Variants in LCORL observed in about 807,000 individuals in gnomAD.
LCORL encodes the protein ligand dependent nuclear receptor corepressor like.
LCORL carries 41 observed loss-of-function variants against 141.8 expected under a neutral mutation model. The ratio of observed to expected loss-of-function variants is 0.29; its 90% confidence interval spans 0.23 to 0.38. LCORL has a LOEUF of 0.38. Among genes scored for constraint, LCORL ranks in the 10% least tolerant of loss-of-function variants. The pLI, the probability that LCORL is intolerant of heterozygous loss-of-function variation, is 1.00. For synonymous variants in LCORL, 618 were observed against 694.1 expected (o/e 0.89, Z 1.72); for missense variants, 1,759 against 2,035.0 (o/e 0.86, Z 2.61).
chr4:17,875,706 G>A (rs1726849627), exon 7 of LCORL: 1 of 1,231,106 alleles, frequency 8.1e-7, no homozygotes, highest in Admixed American at 4.2e-5. Context: ...TCTTCCAATT[G>A]GTCGCTTAAT....
chr4:17,884,589 C>T lies in LCORL; in HGVS notation c.776+1479G>A. On this transcript the variant is annotated intron_variant, in intron 6 of 7. Coordinates refer to ENST00000635767, the Ensembl canonical transcript of LCORL. The surrounding 1 kb of genome is among the most constrained non-coding windows in gnomAD (Gnocchi z 4.4). ...GATGCAGGCTTCCCTGCTGGTAAGG[C>T]TTCTAAGTGAAGAAGTAAAGTTTTT... The T allele has an allele frequency of 1.9e-6, 3 of 1,544,126 alleles. No individual in the cohort carries two copies. The South Asian group carries it at 3.6e-5, about 19-fold the overall frequency.
rs1382109078 is a variant in LCORL at position 18,021,782 on chromosome 4, A to C, written c.-31T>G. ...TCCCGCGTCACGCGCCCTCATTTAC[A>C]TACGAGCAGCGCAGGCACGAGGCAG... On this transcript the variant is annotated 5_prime_UTR_variant, in exon 1 of 8. Coordinates refer to ENST00000635767, the Ensembl canonical transcript of LCORL. This position sits in a 1 kb window ranked among gnomAD's most constrained non-coding sequence, Gnocchi z 5.5. 1.2e-5 allele frequency: 17 copies of C among 1,470,594 alleles called. No homozygotes were observed. Among genetic ancestry groups the C allele is most frequent in the Non-Finnish European group, 1.5e-5 (17 of 1,118,020 alleles). 91.1% of individuals were successfully genotyped at this position (1,470,594 alleles called of 1,614,324 possible).
intron 5 of LCORL, among the ~76,000 whole-genome samples, chr4:17,896,661 G>A (rs1048121359): frequency 6.6e-6 from 1 of 152,092 alleles, no homozygotes; most frequent in Admixed American, 6.6e-5. Context: ...ACATACAATT[G>A]TATAACGATC....
At chr4:17,981,536 T>C (rs1360982898) in intron 1 of LCORL, among the ~76,000 whole-genome samples, 2 of 152,102 alleles carry the variant, frequency 1.3e-5, no homozygotes, top group South Asian at 2.1e-4. Context: ...GTGGGCAGAC[T>C]GCTTGAGTCT....
intron 1 of LCORL, among the ~76,000 whole-genome samples, chr4:18,011,769 T>C (rs1043311278): frequency 1.3e-5 from 2 of 152,152 alleles, no homozygotes; most frequent in Non-Finnish European, 2.9e-5. Flanking sequence ...TGGAGGTGAG[T>C]AGCTGCAATA....
chr4:17,913,122 G>T, intron 4 of LCORL: 1 of 188,458 alleles, frequency 5.3e-6, no homozygotes. Flanking sequence ...CAATTTGTGA[G>T]GACAAAAATC....
chr4:17,859,817 G>A (rs1042246407), intron 7 of LCORL, among the ~76,000 whole-genome samples: 1 of 152,136 alleles, frequency 6.6e-6, no homozygotes, highest in African/African-American at 2.4e-5. Context: ...ACCAACAACA[G>A]TCCAAGCTGA....
intron 7 of LCORL, among the ~76,000 whole-genome samples, chr4:17,856,049 A>G (rs541737983): frequency 6.6e-6 from 1 of 152,232 alleles, no homozygotes; most frequent in Non-Finnish European, 1.5e-5. Flanking sequence ...CAGTTATCTT[A>G]TACTTGCTAT....
chr4:17,868,860 T>A (rs1725991937), intron 7 of LCORL, among the ~76,000 whole-genome samples: 1 of 152,124 alleles, frequency 6.6e-6, no homozygotes, highest in South Asian at 2.1e-4. Flanking sequence ...GCAGCTGAGA[T>A]AAAACCAGTT....
At chr4:17,951,957 T>A (rs921029361) in intron 4 of LCORL, among the ~76,000 whole-genome samples, 8 of 152,196 alleles carry the variant, frequency 5.3e-5, no homozygotes, top group African/African-American at 1.4e-4. Flanking sequence ...CAGGTGATGA[T>A]ACAGTTGGTA....
At chr4:17,876,646 A>G in exon 7 of LCORL, 1 of 1,230,816 alleles carries the variant, frequency 8.1e-7, no homozygotes, top group South Asian at 4.1e-5. Context: ...TATACAGAAT[A>G]CCACCCTGGA....
chr4:17,844,448 C>CTAAAG (rs1400825604), exon 8 of LCORL: 1 of 152,274 alleles, frequency 6.6e-6, no homozygotes, highest in Non-Finnish European at 1.5e-5. Context: ...TAAGATGGAG[C>CTAAAG]TAAAGTAAGA....
At chr4:17,986,915 T>C (rs1414693012) in intron 1 of LCORL, among the ~76,000 whole-genome samples, 1 of 152,156 alleles carries the variant, frequency 6.6e-6, no homozygotes, top group African/African-American at 2.4e-5. Context: ...TGTTTTTGAG[T>C]GGTTCTTTTG....
intron 2 of LCORL, among the ~76,000 whole-genome samples, chr4:17,970,518 C>A (rs551527802): frequency 9.3e-4 from 142 of 152,148 alleles, no homozygotes; most frequent in Admixed American, 1.4e-3. Context: ...AATCCAAGTT[C>A]CACGCTGCCT....
intron 4 of LCORL, among the ~76,000 whole-genome samples, chr4:17,913,492 G>T (rs1001901011): frequency 3.9e-5 from 6 of 152,198 alleles, no homozygotes; most frequent in Admixed American, 3.9e-4. Context: ...AAGAGCAAAG[G>T]TTATGGCAAC....
At chr4:17,896,755 A>C (rs1172439337) in intron 5 of LCORL, among the ~76,000 whole-genome samples, 1 of 152,152 alleles carries the variant, frequency 6.6e-6, no homozygotes, top group Non-Finnish European at 1.5e-5. Context: ...GTTATTTTAA[A>C]ATGTACAATT....
intron 6 of LCORL, chr4:17,883,185 T>C: frequency 1.0e-6 from 1 of 981,596 alleles, no homozygotes; most frequent in African/African-American, 1.7e-5. Flanking sequence ...TAGAATGCAC[T>C]GTCGTGTACT....
At chr4:18,011,436 A>C (rs554595305) in intron 1 of LCORL, among the ~76,000 whole-genome samples, 229 of 152,276 alleles carry the variant, frequency 1.5e-3, no homozygotes, top group African/African-American at 5.2e-3. Context: ...TTTTAAAAAA[A>C]AAAAAAAAAC....
chr4:17,912,900 C>A (rs1490715052), intron 4 of LCORL: 3 of 462,356 alleles, frequency 6.5e-6, no homozygotes, highest in Admixed American at 2.4e-5. Flanking sequence ...TGCAAAACAT[C>A]CAAAAGACCA....
Sources: gnomAD v4.1 joint callset for allele counts (sites outside exome capture counted in the v4.1 genomes callset) on GRCh38, gnomAD v4.1.1 for gene constraint, Gnocchi (gnomAD v3.1) non-coding constraint, MANE v1.5 for transcripts, NCBI Gene and HGNC (gene_info 2026-07-23, HGNC 2026-07-21) for gene names.